MED21: variants seen among roughly 807,000 people sequenced by gnomAD.
MED21 encodes the protein mediator of RNA polymerase II transcription subunit 21.
MED21 carries 9 observed loss-of-function variants against 18.2 expected under a neutral mutation model. The observed-to-expected ratio is 0.49, with a 90% CI of 0.30 to 0.86. The LOEUF is 0.86. Among genes scored for constraint, MED21 ranks in the 40% least tolerant of loss-of-function variants. The pLI is 0.07. For missense variants in MED21, 150 were observed against 170.9 expected (o/e 0.88, Z 0.68); for synonymous variants, 73 against 60.5 (o/e 1.21, Z -0.96).
chr12:27,036,524 C>G (rs1941651012), intron 2 of MED21, among the ~76,000 whole-genome samples: 1 of 152,146 alleles, frequency 6.6e-6, no homozygotes, highest in African/African-American at 2.4e-5. Context: ...ATGCCTATGT[C>G]CTGAATGGTA....
chr12:27,035,085 C>T (rs919377836), downstream of MED21, among the ~76,000 whole-genome samples: 1 of 152,118 alleles, frequency 6.6e-6, no homozygotes, highest in Admixed American at 6.6e-5. Flanking sequence ...TTTGGTAGTG[C>T]ATGCCTGAAG....
In MED21 at chr12:27,029,072, G is replaced by T. The variant is rs575450693; in HGVS notation, c.*611G>T. 30 of 985,304 alleles carry T rather than the reference G, an allele frequency of 3.0e-5. No individual in the cohort carries two copies. Among genetic ancestry groups the T allele is most frequent in the Non-Finnish European group, 3.4e-5 (28 of 829,928 alleles). 61.0% of individuals were successfully genotyped at this position (985,304 alleles called of 1,614,324 possible). A position where few individuals can be genotyped will look rare whatever the true frequency, so the allele number is the denominator to read the frequency against. On this transcript the variant is annotated 3_prime_UTR_variant, in exon 4 of 4. Transcript: ENST00000282892. ...TTTACCAAGAGATCCTCTGTCAAGAGAATTTCCTGGCTGTTGTGAAAGAAT... is the reference window on the plus strand; with the variant it reads ...TTTACCAAGAGATCCTCTGTCAAGATAATTTCCTGGCTGTTGTGAAAGAAT...
chr12:27,022,628 A>C lies in MED21; in HGVS notation c.42+7A>C, dbSNP rs369494261. ...TCAGGACGCTGTGAATTCGGTGAGG[A>C]ATTTCATTCGATTAGCCTCTGTCTT... is the stretch of plus-strand genomic sequence containing the variant. On this transcript the variant is annotated splice_region_variant and intron_variant, in intron 1 of 3. Coordinates refer to ENST00000282892, the MANE Select transcript of MED21 (RefSeq NM_004264.5). 1 of 1,595,768 alleles carries C rather than the reference A, an allele frequency of 6.3e-7. No homozygotes were observed. Among genetic ancestry groups the C allele is most frequent in the Non-Finnish European group, 8.6e-7 (1 of 1,167,044 alleles).
At chr12:27,023,132 A>G (rs1243810473) in intron 1 of MED21, among the ~76,000 whole-genome samples, 1 of 151,798 alleles carries the variant, frequency 6.6e-6, no homozygotes, top group Non-Finnish European at 1.5e-5. Context: ...TGCTGAGGTG[A>G]GGTGAGAGAT....
In MED21 at chr12:27,030,096, A is replaced by G. The variant is rs1428688918; in HGVS notation, c.*1635A>G. 2 of 507,828 alleles carry G rather than the reference A, an allele frequency of 3.9e-6. No homozygotes were observed. The highest frequency in any genetic ancestry group is 3.6e-6 in the Non-Finnish European group (1 of 281,064). The allele number at this position is 507,828 out of a possible 1,614,324, so 31.5% of individuals were successfully genotyped here. ...GAAAGAAAAAAATTAACGTTGTTGT[A>G]TGTGATTCTCTGTAGAGGATATACA... On this transcript the variant is annotated 3_prime_UTR_variant, in exon 4 of 4. Coordinates refer to ENST00000282892, the MANE Select transcript of MED21 (RefSeq NM_004264.5).
downstream of MED21, among the ~76,000 whole-genome samples, chr12:27,035,074 G>A (rs1470091853): frequency 6.6e-6 from 1 of 152,138 alleles, no homozygotes; most frequent in Non-Finnish European, 1.5e-5. Context: ...AATTAGCCCG[G>A]TTTGGTAGTG....
At chr12:27,028,174 C>T in intron 3 of MED21, 111 bp from the exon 4 acceptor site, 1 of 1,314,348 alleles carries the variant, frequency 7.6e-7, no homozygotes, top group South Asian at 1.8e-5. Flanking sequence ...AATTTCTTTA[C>T]TGAAAAACAT....
rs1384536911 is a variant in MED21, at chr12:27,027,344, T to TC, written c.158-3_158-2insC. ...ATCCTAATCTAGCAGTATCTTTCTC[T>TC]AGAGTATGCCCAGCTTTTTGCAGCA... On this transcript the variant is annotated splice_region_variant and splice_polypyrimidine_tract_variant and intron_variant, in intron 2 of 3. Transcript: ENST00000282892. The TC allele has an allele frequency of 3.7e-6, 6 of 1,607,316 alleles. No individual in the cohort carries two copies. In the East Asian group the frequency reaches 1.3e-4, roughly 36 times the overall value.
At chr12:27,031,815 A>G (rs1356107614), downstream of MED21, among the ~76,000 whole-genome samples, 7 of 152,148 alleles carry the variant, frequency 4.6e-5, no homozygotes, top group African/African-American at 9.7e-5. Flanking sequence ...GAGAAAGAGG[A>G]TAAAGAAAAC....
rs961513190 is a variant in MED21, at chr12:27,028,759, A to C, written c.*298A>C. On this transcript the variant is annotated 3_prime_UTR_variant, in exon 4 of 4. Transcript: ENST00000282892. The stretch of plus-strand genomic sequence containing the variant: ...CATATGTAAAATTCTGTTATGACAT[A>C]ATTTATGTCTCCATTTTGTTGTATT... 9.6e-7 allele frequency: 1 copy of C among 1,037,674 alleles called. No homozygotes were observed. Among genetic ancestry groups the C allele is most frequent in the Non-Finnish European group, 1.2e-6 (1 of 860,812 alleles). The allele number at this position is 1,037,674 out of a possible 1,614,324, so 64.3% of individuals were successfully genotyped here.
At chr12:27,028,256 A>G (rs1941570594) in intron 3 of MED21, 29 bp from the exon 4 acceptor site, 3 of 1,567,890 alleles carry the variant, frequency 1.9e-6, no homozygotes, top group Admixed American at 1.8e-5. Flanking sequence ...TCTAAACTCT[A>G]AAGATTTTAA....
chr12:27,022,668 T>G (rs756134987), intron 1 of MED21, 47 bp downstream of exon 1: 2 of 1,611,516 alleles, frequency 1.2e-6, no homozygotes, highest in Non-Finnish European at 1.7e-6. Context: ...TTTCTTGAGG[T>G]AAAGCAAGGG....
rs901038589 is a variant in MED21, at chr12:27,030,413, G to A, written c.*1952G>A. On this transcript the variant is annotated 3_prime_UTR_variant, in exon 4 of 4. Coordinates refer to ENST00000282892, the MANE Select transcript of MED21 (RefSeq NM_004264.5). ...GTAGACTATAAGAAATTAAGTATTTGTATCATCCCTAGAGCGACACAGATT... is the reference window on the plus strand; with the variant it reads ...GTAGACTATAAGAAATTAAGTATTTATATCATCCCTAGAGCGACACAGATT... 4 of 387,822 alleles carry A rather than the reference G, an allele frequency of 1.0e-5. No individual in the cohort carries two copies. Among genetic ancestry groups the A allele is most frequent in the Non-Finnish European group, 1.4e-5 (3 of 220,494 alleles). The allele number at this position is 387,822 out of a possible 1,614,324, so 24.0% of individuals were successfully genotyped here.
At chr12:27,026,036 A>G (rs568222671) in intron 1 of MED21, among the ~76,000 whole-genome samples, 1 of 152,206 alleles carries the variant, frequency 6.6e-6, no homozygotes, top group South Asian at 2.1e-4. Context: ...GGTGCCATAG[A>G]TATTTACAAG....
chr12:27,034,991 T>G (rs1941640479), downstream of MED21, among the ~76,000 whole-genome samples: 1 of 152,134 alleles, frequency 6.6e-6, no homozygotes, highest in Middle Eastern at 3.4e-3. Flanking sequence ...CCTTAGGTGC[T>G]CCGCCTGCCC....
intron 1 of MED21, among the ~76,000 whole-genome samples, chr12:27,024,445 G>A (rs1336899461): frequency 6.6e-6 from 1 of 152,198 alleles, no homozygotes; most frequent in African/African-American, 2.4e-5. Flanking sequence ...CAGCCTCTAA[G>A]TGTTGAATTC....
rs189548024 is a variant in MED21 at position 27,023,347 on chromosome 12, T to A, written c.42+726T>A. On this transcript the variant is annotated intron_variant, in intron 1 of 3. Transcript: ENST00000282892. The stretch of plus-strand genomic sequence containing the variant: ...TGGAGACAGTGCCTTTCGCCCAGGC[T>A]GGAGTGCAGTGGCGCGATCTCTGCT... Among the ~76,000 whole-genome samples, 259 of 133,074 alleles carry A rather than the reference T, an allele frequency of 1.9e-3. 3 individuals carry two copies. Among genetic ancestry groups the A allele is most frequent in the African/African-American group, 6.9e-3 (245 of 35,632 alleles). 87.3% of individuals were successfully genotyped at this position (133,074 alleles called of 152,430 possible).
chr12:27,036,462 T>G (rs1271887439), intron 2 of MED21, among the ~76,000 whole-genome samples: 1 of 152,238 alleles, frequency 6.6e-6, no homozygotes. Context: ...ATTTGTCAAT[T>G]TTGGCTTTTA....
Position 27,024,081 on chromosome 12 carries a change from A to C in MED21, c.42+1460A>C, listed in dbSNP as rs75552927. ...TATTATAACCATAGGGGACTGACAT[A>C]ATATGTGCATCCCGTTGACCAAGAC... On this transcript the variant is annotated intron_variant, in intron 1 of 3. Transcript: ENST00000282892. 5.6e-3 allele frequency among the ~76,000 whole-genome samples: 857 copies of C among 152,336 alleles called. 4 individuals are homozygous for C. Among genetic ancestry groups the C allele is most frequent in the African/African-American group, 0.02 (820 of 41,572 alleles).
Sources: gnomAD v4.1 joint callset for allele counts (sites outside exome capture counted in the v4.1 genomes callset) on GRCh38, gnomAD v4.1.1 for gene constraint, MANE v1.5 for transcripts, NCBI Gene and HGNC (gene_info 2026-07-23, HGNC 2026-07-21) for gene names.